ROBO1: variants seen among roughly 807,000 people sequenced by gnomAD.
The protein encoded by ROBO1 is roundabout guidance receptor 1, also known as roundabout homolog 1.
Under a neutral mutation model 195.9 loss-of-function variants are expected in ROBO1, and 149 were observed. That is an observed-to-expected ratio of 0.76 (90% confidence interval 0.67 to 0.87). ROBO1 has a LOEUF of 0.87. ROBO1 is among the 40% of genes least tolerant of loss of function. The pLI is 0.00. For missense variants in ROBO1, 1,933 were observed against 2,068.3 expected (o/e 0.93, Z 1.27); for synonymous variants, 816 against 733.2 (o/e 1.11, Z -1.82).
At chr3:78,823,788 C>A (rs1218192541) in intron 4 of ROBO1, among the ~76,000 whole-genome samples, 1 of 152,164 alleles carries the variant, frequency 6.6e-6, no homozygotes, top group Non-Finnish European at 1.5e-5. Flanking sequence ...TTAGGGATTT[C>A]TTTTCCCTGA....
chr3:78,768,171 C>T (rs566881296), intron 4 of ROBO1, among the ~76,000 whole-genome samples: 9 of 152,012 alleles, frequency 5.9e-5, no homozygotes, highest in South Asian at 2.1e-4. Context: ...ATCTTGATTT[C>T]GTTTTTGACC....
Position 79,695,215 on chromosome 3 carries a change from A to T in ROBO1, c.-51+72537T>A, listed in dbSNP as rs561175771. On this transcript the variant is annotated intron_variant, in intron 1 of 30. Transcript: ENST00000464233. ...ATTGTCTTTTAAAAATTAAAAATAA[A>T]AACTAACAATAAGATGAATAAAAGA... Among the ~76,000 whole-genome samples the T allele has an allele frequency of 1.1e-4, 16 of 151,612 alleles. No individual in the cohort carries two copies. The Admixed American group carries it at 1.1e-3, about 10-fold the overall frequency.
At chr3:78,971,202 G>A (rs767368721) in intron 3 of ROBO1, among the ~76,000 whole-genome samples, 31 of 152,130 alleles carry the variant, frequency 2.0e-4, no homozygotes, top group Middle Eastern at 3.4e-3. Flanking sequence ...GACCAACCTG[G>A]CCAACATTGT....
intron 2 of ROBO1, among the ~76,000 whole-genome samples, chr3:79,550,242 A>AAAAGG (rs1476763344): frequency 2.1e-5 from 3 of 140,530 alleles, no homozygotes; most frequent in Admixed American, 1.5e-4. Context: ...AAAAGAAAAG[A>AAAAGG]AAAGGGGATC....
At chr3:78,701,246 C>T (rs1479347129) in intron 8 of ROBO1, among the ~76,000 whole-genome samples, 1 of 152,138 alleles carries the variant, frequency 6.6e-6, no homozygotes, top group African/African-American at 2.4e-5. Context: ...TGTATTGATA[C>T]ATTAGATGAA....
intron 2 of ROBO1, among the ~76,000 whole-genome samples, chr3:79,259,384 C>A (rs1254390894): frequency 6.6e-6 from 1 of 152,188 alleles, no homozygotes; most frequent in East Asian, 1.9e-4. Context: ...AAGTTATCTG[C>A]CCATCTCGGC....
Position 78,668,579 on chromosome 3 carries a change from C to A in ROBO1, c.1549-14G>T. On this transcript the variant is annotated splice_polypyrimidine_tract_variant and intron_variant, in intron 11 of 30. Coordinates refer to ENST00000464233, the MANE Select transcript of ROBO1 (RefSeq NM_002941.4). ...AGTATCACCCAGCTGAGAAGGCAGA[C>A]AAAAAATAAATATTTGGAAAAATCA... 6.2e-7 allele frequency: 1 copy of A among 1,610,528 alleles called. No homozygotes were observed. Among genetic ancestry groups the A allele is most frequent in the South Asian group, 1.1e-5 (1 of 90,710 alleles).
intron 2 of ROBO1, among the ~76,000 whole-genome samples, chr3:79,170,569 C>T (rs538785977): frequency 1.9e-4 from 29 of 152,038 alleles, no homozygotes; most frequent in Non-Finnish European, 3.4e-4. Context: ...GTACATGAAA[C>T]TCAATTTCCT....
At chr3:79,113,944 G>A (rs768470913) in intron 3 of ROBO1, among the ~76,000 whole-genome samples, 2 of 152,092 alleles carry the variant, frequency 1.3e-5, no homozygotes, top group African/African-American at 2.4e-5. Context: ...GCAATAATCC[G>A]CATGTGTCAA....
chr3:78,638,722 A>C (rs1044240476), intron 22 of ROBO1, among the ~76,000 whole-genome samples: 1 of 151,902 alleles, frequency 6.6e-6, no homozygotes, highest in Non-Finnish European at 1.5e-5. Flanking sequence ...AAAATTTTTT[A>C]AATTAGCCAG....
At chr3:79,641,411 T>C (rs1032671624) in intron 1 of ROBO1, among the ~76,000 whole-genome samples, 2 of 152,112 alleles carry the variant, frequency 1.3e-5, no homozygotes, top group African/African-American at 4.8e-5. Flanking sequence ...ATTTTTCTTA[T>C]TTTGAGGGAT....
intron 2 of ROBO1, among the ~76,000 whole-genome samples, chr3:79,584,032 C>A (rs964150666): frequency 3.3e-5 from 5 of 151,668 alleles, no homozygotes; most frequent in Admixed American, 6.6e-5. Context: ...TTTTTACAAA[C>A]CCATATATTT....
In ROBO1 at chr3:79,049,757, G is replaced by T. The variant is rs138308844; in HGVS notation, c.172+75699C>A. 5.3e-3 allele frequency among the ~76,000 whole-genome samples: 809 copies of T among 152,230 alleles called. 8 individuals carry two copies. Among genetic ancestry groups the T allele is most frequent in the Non-Finnish European group, 3.9e-3 (265 of 68,016 alleles). ...GTGGCCAATATTCAACATTCTTAAAGAAATGAATTTTTAACCCAGAATTTC... is the reference window on the plus strand; with the variant it reads ...GTGGCCAATATTCAACATTCTTAAATAAATGAATTTTTAACCCAGAATTTC... On this transcript the variant is annotated intron_variant, in intron 3 of 30. Transcript: ENST00000464233.
intron 2 of ROBO1, among the ~76,000 whole-genome samples, chr3:79,312,747 C>A (rs2033546429): frequency 6.6e-6 from 1 of 151,992 alleles, no homozygotes; most frequent in Non-Finnish European, 1.5e-5. Context: ...AAAATTATAT[C>A]CATTCATTCA....
chr3:78,640,035 C>T, intron 21 of ROBO1, 137 bp from the exon 22 acceptor site: 1 of 754,984 alleles, frequency 1.3e-6, no homozygotes, highest in Non-Finnish European at 2.0e-6. Context: ...ATTATTATCC[C>T]TTTTATTCTA....
chr3:78,986,359 T>C (rs985290585), intron 3 of ROBO1, among the ~76,000 whole-genome samples: 4 of 152,130 alleles, frequency 2.6e-5, no homozygotes, highest in African/African-American at 9.7e-5. Flanking sequence ...CATGGCAGCA[T>C]TCAGTGAGGA....
chr3:79,524,288 A>C (rs1306999790), intron 2 of ROBO1, among the ~76,000 whole-genome samples: 1 of 152,008 alleles, frequency 6.6e-6, no homozygotes, highest in Non-Finnish European at 1.5e-5. Flanking sequence ...TAGAATTTTA[A>C]AATTCCATTT....
At chr3:79,502,427 G>A (rs370333531) in intron 2 of ROBO1, among the ~76,000 whole-genome samples, 1 of 152,152 alleles carries the variant, frequency 6.6e-6, no homozygotes, top group African/African-American at 2.4e-5. Context: ...ATTTCTCGCC[G>A]GGCCTTAGCT....
chr3:79,617,820 C>CAAAAAAAAAAAAAA (rs60181598), intron 1 of ROBO1, among the ~76,000 whole-genome samples: 1 of 57,912 alleles, frequency 1.7e-5, no homozygotes. Flanking sequence ...GACTCTGTCT[C>CAAAAAAAAAAAAAA]AAAAAAAAAA....
Sources: gnomAD v4.1 joint callset for allele counts (sites outside exome capture counted in the v4.1 genomes callset) on GRCh38, gnomAD v4.1.1 for gene constraint, MANE v1.5 for transcripts, NCBI Gene and HGNC (gene_info 2026-07-23, HGNC 2026-07-21) for gene names.